The following ZCCHC14 variants were observed in gnomAD, a reference collection of about 807,000 sequenced individuals.
ZCCHC14 encodes the protein zinc finger CCHC domain-containing protein 14.
A neutral mutation model predicts 85.0 loss-of-function variants in ZCCHC14; 16 were observed. The observed-to-expected ratio is 0.19, with a 90% CI of 0.13 to 0.29. The LOEUF is 0.29. ZCCHC14 is among the 10% of genes least tolerant of loss of function. The pLI is 1.00. For missense variants in ZCCHC14, 1,303 were observed against 1,443.5 expected (o/e 0.90, Z 1.58); for synonymous variants, 775 against 630.7 (o/e 1.23, Z -3.43).
chr16:87,465,564 T>C (rs78578780), intron 1 of ZCCHC14, among the ~76,000 whole-genome samples: 2,566 of 152,308 alleles, frequency 0.017, 27 homozygotes, highest in Middle Eastern at 0.048. Flanking sequence ...GCACCTGGAC[T>C]TGGGCAGCCC....
At chr16:87,441,866 G>A (rs1247484796) in intron 2 of ZCCHC14, among the ~76,000 whole-genome samples, 4 of 152,226 alleles carry the variant, frequency 2.6e-5, no homozygotes, top group Non-Finnish European at 5.9e-5. Context: ...GTAAGACGGA[G>A]CAGCAACGAA....
intron 1 of ZCCHC14, chr16:87,470,442 C>T (rs1048019726): frequency 4.0e-5 from 5 of 125,850 alleles, no homozygotes; most frequent in Admixed American, 2.3e-4. Context: ...GCTCATAAAG[C>T]TGCAGGGGGT....
chr16:87,412,117 G>A lies in ZCCHC14; in HGVS notation c.2604C>T (p.Ser868=). Residue 868 remains serine (S), a synonymous_variant, in exon 12 of 13, where the codon TCC becomes TCT. Transcript: ENST00000671377. ...ATLPSCPAPS[S]SPALSSVPES... is the part of the protein sequence containing the mutation. Reference sequence around the variant, plus strand: ...CAGGGACGGAGGACAGCGCCGGGCTGGAGCTGGGGGCTGGGCAGCTGGGCA... The same window carrying A: ...CAGGGACGGAGGACAGCGCCGGGCTAGAGCTGGGGGCTGGGCAGCTGGGCA... 6.2e-7 allele frequency: 1 copy of A among 1,613,714 alleles called. No homozygotes were observed. Among genetic ancestry groups the A allele is most frequent in the Admixed American group, 1.7e-5 (1 of 60,038 alleles).
rs1382423163 is a variant in ZCCHC14 at position 87,427,498 on chromosome 16, C to T, written c.769-3617G>A. Among the ~76,000 whole-genome samples, 5 of 152,098 alleles carry T rather than the reference C, an allele frequency of 3.3e-5. No homozygotes were observed. In the South Asian group the frequency reaches 1.0e-3, roughly 32 times the overall value. ...ATCTCAGCTCACTGCAACCAACCTC[C>T]GCCTCCCGGGTTTAAGCGATCCTTG... is the stretch of plus-strand genomic sequence containing the variant. On this transcript the variant is annotated intron_variant, in intron 3 of 12. Coordinates refer to ENST00000671377, the MANE Select transcript of ZCCHC14 (RefSeq NM_015144.3).
chr16:87,441,360 T>C (rs1910176344), intron 2 of ZCCHC14, among the ~76,000 whole-genome samples: 1 of 152,260 alleles, frequency 6.6e-6, no homozygotes, highest in Non-Finnish European at 1.5e-5. Context: ...CTTAATATGC[T>C]TCATCTTTCC....
At position 87,409,475 on chromosome 16, in the gene ZCCHC14, C is replaced by T. The variant is rs1006840668; in HGVS notation, c.*805G>A. Reference sequence around the variant, plus strand: ...GACTGGCTGGGAAGAAAGATACTCTCAAAGCTTTGACGACTATGGATTCTC... The same window carrying T: ...GACTGGCTGGGAAGAAAGATACTCTTAAAGCTTTGACGACTATGGATTCTC... On this transcript the variant is annotated 3_prime_UTR_variant, in exon 13 of 13. Transcript: ENST00000671377. 23 of 152,212 alleles carry T rather than the reference C, an allele frequency of 1.5e-4. No individual in the cohort carries two copies. Among genetic ancestry groups the T allele is most frequent in the African/African-American group, 5.5e-4 (23 of 41,446 alleles). 9.4% of individuals were successfully genotyped at this position (152,212 alleles called of 1,614,324 possible). A position where few individuals can be genotyped will look rare whatever the true frequency, so the allele number is the denominator to read the frequency against.
rs1910909883 is a variant in ZCCHC14, at chr16:87,455,418, C to A, written c.694+4590G>T. On this transcript the variant is annotated intron_variant, in intron 2 of 12. Transcript: ENST00000671377. ...TTCTGTGTCACATGGAGTGGCTCAA[C>A]ATTAACTCAGAGTAGAGCCTGAAAA... Among the ~76,000 whole-genome samples, 5 of 152,246 alleles carry A rather than the reference C, an allele frequency of 3.3e-5. No homozygotes were observed. The South Asian group carries it at 8.3e-4, about 25-fold the overall frequency.
chr16:87,422,612 T>A (rs1057399806), intron 4 of ZCCHC14, among the ~76,000 whole-genome samples: 2 of 150,490 alleles, frequency 1.3e-5, no homozygotes, highest in Admixed American at 1.3e-4. Context: ...GGTGTGCACC[T>A]GTGATCCCAG....
chr16:87,415,930 GT>G (rs1196816368), intron 8 of ZCCHC14, among the ~76,000 whole-genome samples: 1 of 151,694 alleles, frequency 6.6e-6, no homozygotes, highest in Non-Finnish European at 1.5e-5. Context: ...TTGTTTGTTT[GT>G]TTTTTTGTTT....
At position 87,406,730 on chromosome 16, in the gene ZCCHC14, G is replaced by A. The variant is rs1908219795; in HGVS notation, c.*3550C>T. 6.6e-6 allele frequency: 1 copy of A among 152,192 alleles called. No individual in the cohort carries two copies. Among genetic ancestry groups the A allele is most frequent in the Non-Finnish European group, 1.5e-5 (1 of 68,044 alleles). 9.4% of individuals were successfully genotyped at this position (152,192 alleles called of 1,614,324 possible). ...TTGGCCTCAACCAGCACAGTATATG[G>A]TTTTCTAGAATATTGCGAGTGTTGA... On this transcript the variant is annotated 3_prime_UTR_variant, in exon 13 of 13. Transcript: ENST00000671377.
chr16:87,435,536 C>T lies in ZCCHC14; in HGVS notation c.695-2335G>A, dbSNP rs1050707618. Among the ~76,000 whole-genome samples the T allele has an allele frequency of 8.5e-5, 13 of 152,378 alleles. No homozygotes were observed. The South Asian group carries it at 1.7e-3, about 19-fold the overall frequency. ...AGCCAACGACACTGACTCCCTGTAT[C>T]TGCAGAATGAGCCAGCCAACCCTGC... On this transcript the variant is annotated intron_variant, in intron 2 of 12. Transcript: ENST00000671377.
At chr16:87,490,826 T>C (rs1202652276) in intron 1 of ZCCHC14, among the ~76,000 whole-genome samples, 1 of 152,210 alleles carries the variant, frequency 6.6e-6, no homozygotes, top group Admixed American at 6.5e-5. Flanking sequence ...CACATATACA[T>C]GCCCACATGC....
chr16:87,425,363 G>C (rs1218359835), intron 3 of ZCCHC14, among the ~76,000 whole-genome samples: 1 of 152,072 alleles, frequency 6.6e-6, no homozygotes, highest in Non-Finnish European at 1.5e-5. Flanking sequence ...GATCACCTGA[G>C]GTCAGGAGTT....
At chr16:87,426,902 GA>G (rs1909399875) in intron 3 of ZCCHC14, among the ~76,000 whole-genome samples, 1 of 152,224 alleles carries the variant, frequency 6.6e-6, no homozygotes, top group Non-Finnish European at 1.5e-5. Context: ...CAGAGCCCAA[GA>G]GTTCTCTGAA....
chr16:87,462,557 G>A (rs11647751), intron 1 of ZCCHC14, among the ~76,000 whole-genome samples: 67,246 of 151,230 alleles, frequency 0.44, 17,837 homozygotes, highest in Non-Finnish European at 0.63. Flanking sequence ...TGGCTAACAC[G>A]GTGAAACCCC....
At chr16:87,483,127 C>T (rs1395024023) in intron 1 of ZCCHC14, among the ~76,000 whole-genome samples, 1 of 151,696 alleles carries the variant, frequency 6.6e-6, no homozygotes, top group Non-Finnish European at 1.5e-5. Context: ...GCAATTCCTA[C>T]TAAAGACAAT....
chr16:87,428,279 G>C (rs894883827), intron 3 of ZCCHC14, among the ~76,000 whole-genome samples: 1 of 152,118 alleles, frequency 6.6e-6, no homozygotes, highest in Non-Finnish European at 1.5e-5. Flanking sequence ...GAAAATCAGT[G>C]GGGCAGGGAG....
intron 1 of ZCCHC14, among the ~76,000 whole-genome samples, chr16:87,479,522 C>T (rs1216981544): frequency 6.6e-6 from 1 of 151,964 alleles, no homozygotes; most frequent in Non-Finnish European, 1.5e-5. Flanking sequence ...CCATAATGCT[C>T]CCTTCTAAAG....
At chr16:87,467,481 C>T in intron 1 of ZCCHC14, 1 of 1,606,648 alleles carries the variant, frequency 6.2e-7, no homozygotes, top group East Asian at 2.2e-5. Context: ...CTCTGGAGGA[C>T]AGATGTACCA....
Sources: allele counts gnomAD v4.1 joint callset (sites outside exome capture counted in the v4.1 genomes callset), GRCh38; gene constraint gnomAD v4.1.1; transcripts MANE v1.5; gene names NCBI Gene and HGNC (gene_info 2026-07-23, HGNC 2026-07-21).